CDH13: variants seen among roughly 807,000 people sequenced by gnomAD.
CDH13 encodes the protein cadherin-13.
Under a neutral mutation model 63.8 loss-of-function variants are expected in CDH13, and 24 were observed. The ratio of observed to expected loss-of-function variants is 0.38; its 90% CI spans 0.27 to 0.53. The LOEUF (loss-of-function observed/expected upper bound fraction) is 0.53, where lower values mean the gene tolerates loss of function less well. Ranked by LOEUF, CDH13 falls within the 20% of genes least tolerant of loss-of-function variation. The pLI is 0.85. For missense variants in CDH13, 1,049 were observed against 903.1 expected (o/e 1.16, Z -2.07); for synonymous variants, 503 against 355.3 (o/e 1.42, Z -4.67).
chr16:83,177,222 G>A (rs2038165160), intron 4 of CDH13, among the ~76,000 whole-genome samples: 1 of 152,114 alleles, frequency 6.6e-6, no homozygotes, highest in Non-Finnish European at 1.5e-5. Context: ...TCAGATCTTT[G>A]CCACATTGTT....
At chr16:83,658,419 C>T (rs559818781) in intron 8 of CDH13, among the ~76,000 whole-genome samples, 83 of 128,340 alleles carry the variant, frequency 6.5e-4, no homozygotes, top group South Asian at 1.5e-3. Context: ...CACCAGGTCC[C>T]GTATCCTCAG....
At chr16:83,259,976 C>A (rs1906763975) in intron 5 of CDH13, among the ~76,000 whole-genome samples, 1 of 151,984 alleles carries the variant, frequency 6.6e-6, no homozygotes, top group Non-Finnish European at 1.5e-5. Context: ...GACAAAAATG[C>A]TTCTTACGTG....
At chr16:82,957,152 A>G (rs374300774) in intron 2 of CDH13, among the ~76,000 whole-genome samples, 1 of 152,164 alleles carries the variant, frequency 6.6e-6, no homozygotes, top group East Asian at 1.9e-4. Flanking sequence ...AAGGGGAGCC[A>G]TATCCCTTCT....
At chr16:82,746,468 G>A (rs775657851) in intron 1 of CDH13, among the ~76,000 whole-genome samples, 22 of 151,978 alleles carry the variant, frequency 1.4e-4, no homozygotes, top group African/African-American at 4.3e-4. Flanking sequence ...CTCCAGGTCA[G>A]CCACTACAAA....
chr16:83,394,257 A>AGC (rs1196465281), intron 6 of CDH13, among the ~76,000 whole-genome samples: 57 of 152,008 alleles, frequency 3.7e-4, no homozygotes, highest in Non-Finnish European at 7.8e-4. Context: ...TTAAAAAAAA[A>AGC]AAACAAAAAA....
At chr16:83,131,526 T>A (rs2036052733) in intron 4 of CDH13, among the ~76,000 whole-genome samples, 6 of 152,300 alleles carry the variant, frequency 3.9e-5, no homozygotes, top group Admixed American at 3.9e-4. Context: ...TTTCTCAGTT[T>A]TACCAACTTT....
intron 2 of CDH13, among the ~76,000 whole-genome samples, chr16:83,009,127 A>G (rs72794169): frequency 0.019 from 2,965 of 152,344 alleles, 45 homozygotes; most frequent in Non-Finnish European, 0.028. Flanking sequence ...AAGATGAAAT[A>G]TGGGTGAAGA....
intron 1 of CDH13, among the ~76,000 whole-genome samples, chr16:82,639,814 G>T (rs577288845): frequency 6.6e-6 from 1 of 152,330 alleles, no homozygotes; most frequent in African/African-American, 2.4e-5. Context: ...ACAGAGCAGC[G>T]AGAGCATGGC....
At chr16:82,778,570 G>GAGAA (rs1321077680) in intron 1 of CDH13, among the ~76,000 whole-genome samples, 1 of 85,786 alleles carries the variant, frequency 1.2e-5, no homozygotes, top group Non-Finnish European at 2.1e-5. Flanking sequence ...ATCACGACCA[G>GAGAA]AAAAAAAAAA....
chr16:82,770,547 A>G (rs1597518672), intron 1 of CDH13, among the ~76,000 whole-genome samples: 1 of 152,238 alleles, frequency 6.6e-6, no homozygotes, highest in East Asian at 1.9e-4. Context: ...TTTAATCTAT[A>G]TAGTTACATA....
At chr16:82,777,358 A>G (rs1356800011) in intron 1 of CDH13, among the ~76,000 whole-genome samples, 2 of 152,230 alleles carry the variant, frequency 1.3e-5, no homozygotes, top group Non-Finnish European at 2.9e-5. Context: ...TATGCTATAG[A>G]AAACTAAACC....
chr16:82,970,144 G>A (rs532970716), intron 2 of CDH13, among the ~76,000 whole-genome samples: 6 of 151,820 alleles, frequency 4.0e-5, no homozygotes, highest in East Asian at 1.9e-4. Context: ...TGTTCTTATC[G>A]TTCACCTCCC....
chr16:83,158,006 A>G (rs746512984), intron 4 of CDH13, among the ~76,000 whole-genome samples: 1 of 152,022 alleles, frequency 6.6e-6, no homozygotes, highest in South Asian at 2.1e-4. Flanking sequence ...CCCCCAACCA[A>G]TGCATGCCGT....
In CDH13 at chr16:83,709,396, C is replaced by G. The variant is rs80168917; in HGVS notation, c.1538+30935C>G. Among the ~76,000 whole-genome samples, 522 of 152,308 alleles carry G rather than the reference C, an allele frequency of 3.4e-3. 7 individuals are homozygous for G. Among genetic ancestry groups the G allele is most frequent in the African/African-American group, 0.012 (507 of 41,568 alleles). On this transcript the variant is annotated intron_variant, in intron 10 of 13. Transcript: ENST00000567109. The stretch of plus-strand genomic sequence containing the variant: ...AATCTATGAGGGTTCCCCCAGCGGA[C>G]TCCCTCTATAATCAGTACGGTCCAT...
At chr16:82,699,192 A>T (rs892969322) in intron 1 of CDH13, among the ~76,000 whole-genome samples, 1 of 151,922 alleles carries the variant, frequency 6.6e-6, no homozygotes, top group African/African-American at 2.4e-5. Flanking sequence ...ATATGGGGAG[A>T]GATGGGAACT....
intron 10 of CDH13, among the ~76,000 whole-genome samples, chr16:83,707,916 C>A (rs1907377805): frequency 6.8e-6 from 1 of 147,928 alleles, no homozygotes; most frequent in Non-Finnish European, 1.5e-5. Flanking sequence ...TCCTTCTACC[C>A]TAATGACACC....
intron 1 of CDH13, among the ~76,000 whole-genome samples, chr16:82,631,572 T>C (rs1445298542): frequency 3.3e-5 from 5 of 152,204 alleles, no homozygotes; most frequent in Non-Finnish European, 7.3e-5. Flanking sequence ...TCCTGAAGGA[T>C]GCTGCCAATA....
intron 5 of CDH13, among the ~76,000 whole-genome samples, chr16:83,262,594 C>A (rs770418279): frequency 1.2e-4 from 18 of 152,080 alleles, no homozygotes; most frequent in Admixed American, 1.1e-3. Flanking sequence ...TCATTGGAGT[C>A]CCCCTCATTT....
At chr16:83,506,888 A>G (rs992110777) in intron 7 of CDH13, among the ~76,000 whole-genome samples, 3 of 152,182 alleles carry the variant, frequency 2.0e-5, no homozygotes, top group African/African-American at 4.8e-5. Context: ...TCTAGCCCCC[A>G]TCAAGCTTTT....
Sources: gnomAD v4.1 joint callset for allele counts (sites outside exome capture counted in the v4.1 genomes callset) on GRCh38, gnomAD v4.1.1 for gene constraint, MANE v1.5 for transcripts, NCBI Gene and HGNC (gene_info 2026-07-23, HGNC 2026-07-21) for gene names.